The following ABLIM1 variants were observed in gnomAD, a reference collection of about 807,000 sequenced individuals.
The protein encoded by ABLIM1 is actin-binding LIM protein 1.
A neutral mutation model predicts 107.0 loss-of-function variants in ABLIM1; 40 were observed. That is an observed-to-expected ratio of 0.37 (90% CI 0.29 to 0.49). The LOEUF (loss-of-function observed/expected upper bound fraction) is 0.49. Among genes scored for constraint, ABLIM1 ranks in the 20% least tolerant of loss-of-function variants. The pLI is 0.97. For missense variants in ABLIM1, 857 were observed against 1,008.5 expected, an observed-to-expected ratio of 0.85 and a Z score of 2.04; for synonymous variants, 357 against 357.3, an observed-to-expected ratio of 1.00 and a Z score of 0.01.
chr10:114,545,920 G>A, intron 5 of ABLIM1, among the ~76,000 whole-genome samples: 2 of 104,700 alleles, frequency 1.9e-5, no homozygotes, highest in Admixed American at 1.1e-4. Flanking sequence ...GACAGCACAA[G>A]ACCCCATCTC....
chr10:114,491,012 G>GTGTGTGTGTATATATATATATATATA lies in ABLIM1; in HGVS notation c.982+778_982+779insTATATATATATATATATACACACACA. Among the ~76,000 whole-genome samples, 206 of 92,296 alleles carry GTGTGTGTGTATATATATATATATATA rather than the reference G, an allele frequency of 2.2e-3. 2 individuals carry two copies. The highest frequency in any genetic ancestry group is 0.02 in the East Asian group (40 of 1,956). 60.5% of individuals were successfully genotyped at this position (92,296 alleles called of 152,430 possible). ...TGTGTGTGTGTGTGTGTGTGTGTGT[G>GTGTGTGTGTATATATATATATATATA]TATATATATATATGGTCTATTTTAT... On this transcript the variant is annotated intron_variant, in intron 7 of 22. Coordinates refer to ENST00000533213, the MANE Select transcript of ABLIM1 (RefSeq NM_002313.7).
intron 1 of ABLIM1, among the ~76,000 whole-genome samples, chr10:114,726,041 C>T (rs1383315127): frequency 2.0e-5 from 3 of 151,984 alleles, no homozygotes; most frequent in Admixed American, 1.3e-4. Flanking sequence ...AGCCACCATG[C>T]CTGGCCTTGT....
chr10:114,608,098 C>T (rs928576731), intron 1 of ABLIM1, among the ~76,000 whole-genome samples: 7 of 152,338 alleles, frequency 4.6e-5, no homozygotes, highest in Admixed American at 2.0e-4. Context: ...GGCACCTTGG[C>T]TCATGCCTGT....
chr10:114,612,043 C>A (rs1032101159), intron 1 of ABLIM1, among the ~76,000 whole-genome samples: 1 of 152,180 alleles, frequency 6.6e-6, no homozygotes, highest in East Asian at 1.9e-4. Context: ...AGAATACATG[C>A]CCGACCTTCT....
At chr10:114,510,882 G>T (rs576887126) in intron 6 of ABLIM1, among the ~76,000 whole-genome samples, 54 of 151,920 alleles carry the variant, frequency 3.6e-4, no homozygotes, top group African/African-American at 1.3e-3. Flanking sequence ...AAACTCCTGG[G>T]CTCAAGGGAT....
intron 20 of ABLIM1, chr10:114,439,855 C>G: frequency 1.6e-6 from 1 of 627,698 alleles, no homozygotes; most frequent in Non-Finnish European, 2.7e-6. Context: ...GCAAGAGAGA[C>G]CCCCTACACC....
chr10:114,516,117 G>A (rs1280826361), intron 6 of ABLIM1, among the ~76,000 whole-genome samples: 1 of 151,736 alleles, frequency 6.6e-6, no homozygotes, highest in Admixed American at 6.5e-5. Context: ...CTAAGGGAGT[G>A]AGGTGAGCAA....
At chr10:114,736,831 G>A (rs1263695366) in intron 1 of ABLIM1, among the ~76,000 whole-genome samples, 9 of 152,148 alleles carry the variant, frequency 5.9e-5, no homozygotes, top group African/African-American at 1.7e-4. Context: ...CTGTGGGGCG[G>A]TGGCAGTTAA....
chr10:114,743,571 C>T lies in ABLIM1; in HGVS notation c.-213+24490G>A, dbSNP rs1050487197. Reference sequence around the variant, plus strand: ...AGTTATTTGTCTTCTCTATTTTTTTCCTTCTCTCAAGCATGAGGAGTTCTT... The same window carrying T: ...AGTTATTTGTCTTCTCTATTTTTTTTCTTCTCTCAAGCATGAGGAGTTCTT... On this transcript the variant is annotated intron_variant, in intron 1 of 15. Transcript: ENST00000651092. Among the ~76,000 whole-genome samples the T allele has an allele frequency of 5.1e-4, 77 of 151,906 alleles. 1 individual carries two copies. Among genetic ancestry groups the T allele is most frequent in the Admixed American group, 5.0e-3 (77 of 15,258 alleles).
chr10:114,722,124 T>C (rs2081861545), intron 1 of ABLIM1, among the ~76,000 whole-genome samples: 1 of 152,328 alleles, frequency 6.6e-6, no homozygotes, highest in African/African-American at 2.4e-5. Flanking sequence ...ACATGTGATA[T>C]AGTTTATAAG....
At chr10:114,573,255 A>T (rs1180041321) in intron 3 of ABLIM1, among the ~76,000 whole-genome samples, 1 of 152,220 alleles carries the variant, frequency 6.6e-6, no homozygotes, top group African/African-American at 2.4e-5. Context: ...ATGTCCCTTA[A>T]ACCGTGAGCC....
chr10:114,460,514 T>A (rs2063659862), intron 12 of ABLIM1, among the ~76,000 whole-genome samples: 1 of 152,158 alleles, frequency 6.6e-6, no homozygotes, highest in Non-Finnish European at 1.5e-5. Context: ...GGCAGAAGAA[T>A]CGCTTGAAGC....
At chr10:114,596,075 T>G (rs2075384846) in intron 2 of ABLIM1, among the ~76,000 whole-genome samples, 1 of 152,174 alleles carries the variant, frequency 6.6e-6, no homozygotes, top group South Asian at 2.1e-4. Context: ...CAGCTGGACA[T>G]GTGGATCCCT....
chr10:114,654,954 C>T (rs1045510322), intron 1 of ABLIM1, among the ~76,000 whole-genome samples: 6 of 152,148 alleles, frequency 3.9e-5, no homozygotes, highest in Non-Finnish European at 8.8e-5. Context: ...ATTTCTTTCC[C>T]AAGACTGAAA....
rs557316597 is a variant in ABLIM1 at position 114,716,772 on chromosome 10, T to C, written c.-213+51289A>G. On this transcript the variant is annotated intron_variant, in intron 1 of 15. Transcript: ENST00000651092. ...GTGCAGGTCTTCAATATTGAGTTCA[T>C]GCTAGCTGCTTCTGCAGATGCCAAT... Among the ~76,000 whole-genome samples, 233 of 151,274 alleles carry C rather than the reference T, an allele frequency of 1.5e-3. 1 individual carries two copies. Among genetic ancestry groups the C allele is most frequent in the African/African-American group, 3.5e-3 (142 of 41,070 alleles).
At chr10:114,578,152 C>T (rs971713981) in intron 2 of ABLIM1, among the ~76,000 whole-genome samples, 7 of 152,070 alleles carry the variant, frequency 4.6e-5, no homozygotes, top group Non-Finnish European at 7.4e-5. Context: ...TAACTTTATG[C>T]GAGGGATGAT....
chr10:114,680,103 C>A (rs1838589122), intron 1 of ABLIM1, among the ~76,000 whole-genome samples: 1 of 152,104 alleles, frequency 6.6e-6, no homozygotes, highest in Non-Finnish European at 1.5e-5. Context: ...ATTCATAGCA[C>A]TGTTCAACGT....
intron 1 of ABLIM1, among the ~76,000 whole-genome samples, chr10:114,649,363 G>A (rs1324825615): frequency 6.6e-6 from 1 of 151,304 alleles, no homozygotes; most frequent in Non-Finnish European, 1.5e-5. Flanking sequence ...GATCACACCA[G>A]TGTGCTCCAG....
At position 114,459,397 on chromosome 10, in the gene ABLIM1, C is replaced by T. The variant is rs964328895; in HGVS notation, c.1442-5914G>A. Among the ~76,000 whole-genome samples the T allele has an allele frequency of 3.9e-5, 6 of 152,344 alleles. No individual in the cohort carries two copies. In the East Asian group the frequency reaches 1.2e-3, roughly 29 times the overall value. The stretch of plus-strand genomic sequence containing the variant: ...TGTGTTATCAATGGCCATAGGCTCC[C>T]CCCATTCAGAAATTTCTAAGTGCTG... On this transcript the variant is annotated intron_variant, in intron 12 of 22. Transcript: ENST00000533213.
Sources: allele counts gnomAD v4.1 joint callset (sites outside exome capture counted in the v4.1 genomes callset), GRCh38; gene constraint gnomAD v4.1.1; transcripts MANE v1.5; gene names NCBI Gene and HGNC (gene_info 2026-07-23, HGNC 2026-07-21).